Variants in SLC16A9 observed in about 807,000 individuals in gnomAD.
The protein encoded by SLC16A9 is solute carrier family 16 member 9.
In SLC16A9, 26 loss-of-function variants were observed where a neutral mutation model predicts 44.3. That is an observed-to-expected ratio of 0.59 (90% CI 0.43 to 0.81). The LOEUF is 0.81. SLC16A9 is among the 40% of genes least tolerant of loss of function. The pLI is 0.00. For missense variants in SLC16A9, 559 were observed against 595.8 expected (o/e 0.94, Z 0.64); for synonymous variants, 230 against 225.1 (o/e 1.02, Z -0.19).
At chr10:59,707,797 T>A (rs1840678693) in intron 1 of SLC16A9, among the ~76,000 whole-genome samples, 1 of 152,166 alleles carries the variant, frequency 6.6e-6, no homozygotes, top group South Asian at 2.1e-4. Context: ...TCTGTAGTTG[T>A]CATCCTCTAG....
rs559499490 is a variant in SLC16A9 at position 59,654,391 on chromosome 10, G to A, written c.635C>T (p.Ser212Phe). 6.2e-7 allele frequency: 1 copy of A among 1,613,696 alleles called. No homozygotes were observed. Among genetic ancestry groups the A allele is most frequent in the Non-Finnish European group, 8.5e-7 (1 of 1,179,996 alleles). The change falls in exon 5 of 6, where the codon TCC (serine) becomes TTC (phenylalanine). Residue 212 changes from serine to phenylalanine, a missense_variant. Physicochemically the swap from Ser to Phe is radical, Grantham distance 155. Transcript: ENST00000395348. ...IAPEDLPDKYSIYNEKGKNLE... is the reference protein window; with the variant it reads ...IAPEDLPDKYFIYNEKGKNLE... ...ATTCTTTCCTTTTTCATTGTAAATG[G>A]AGTATTTATCTGGTAGATCTTCTGG...
chr10:59,699,901 AACACAC>A (rs57820696), intron 1 of SLC16A9, among the ~76,000 whole-genome samples: 5,897 of 147,352 alleles, frequency 0.04, 356 homozygotes, highest in African/African-American at 0.13. Flanking sequence ...CTGCACTGAA[AACACAC>A]ACACACACAC....
chr10:59,684,474 C>A (rs943222567), intron 1 of SLC16A9, 147 bp from the exon 2 acceptor site: 2 of 457,068 alleles, frequency 4.4e-6, no homozygotes, highest in South Asian at 5.8e-5. Flanking sequence ...ACTGACATAG[C>A]AAGTTAACAA....
rs117910653 is a variant in SLC16A9, at chr10:59,667,885, T to C, written c.341-3563A>G. On this transcript the variant is annotated intron_variant, in intron 3 of 5. Transcript: ENST00000395348. ...TTAAATGGTAAAAACTAAATATATT[T>C]ACATGTTGTAACATTTCTTTTCCAC... 6.5e-3 allele frequency among the ~76,000 whole-genome samples: 995 copies of C among 152,316 alleles called. 5 individuals carry two copies. The highest frequency in any genetic ancestry group is 0.01 in the Admixed American group (153 of 15,296).
At position 59,653,663 on chromosome 10, in the gene SLC16A9, T is replaced by A. The variant is rs765698503; in HGVS notation, c.1351+12A>T. ...ACAGTAAAATGGGATGATTTTAAGA[T>A]AAATATCTTACCAACGATGGGTGGT... On this transcript the variant is annotated intron_variant, in intron 5 of 5. Transcript: ENST00000395348. 6.2e-7 allele frequency: 1 copy of A among 1,601,088 alleles called. No homozygotes were observed.
chr10:59,658,796 C>T (rs1028900384), intron 4 of SLC16A9, among the ~76,000 whole-genome samples: 2 of 152,128 alleles, frequency 1.3e-5, no homozygotes, highest in Admixed American at 6.5e-5. Context: ...CACTTCTCAC[C>T]GGGCAGTGCT....
intron 3 of SLC16A9, among the ~76,000 whole-genome samples, chr10:59,665,431 C>T (rs4948351): frequency 0.2 from 30,472 of 152,140 alleles, 4,088 homozygotes; most frequent in East Asian, 0.48. Context: ...GAAATCAGCA[C>T]TTAACCCATG....
At chr10:59,687,097 G>T (rs536588296) in intron 1 of SLC16A9, among the ~76,000 whole-genome samples, 10 of 152,244 alleles carry the variant, frequency 6.6e-5, no homozygotes, top group Admixed American at 2.0e-4. Flanking sequence ...TAGAGACGGG[G>T]TTTCACCATG....
chr10:59,684,407 TA>T, intron 1 of SLC16A9, 80 bp from the exon 2 acceptor site: 1 of 605,484 alleles, frequency 1.7e-6, no homozygotes, highest in African/African-American at 2.0e-5. Flanking sequence ...TATCTCCTCC[TA>T]AAGTGAAAAA....
chr10:59,682,418 G>T (rs1047333959), intron 2 of SLC16A9, among the ~76,000 whole-genome samples: 1 of 152,128 alleles, frequency 6.6e-6, no homozygotes, highest in Non-Finnish European at 1.5e-5. Context: ...CATCCACCTA[G>T]AAACTTGGAA....
chr10:59,659,715 CA>C (rs1026714336), intron 4 of SLC16A9, among the ~76,000 whole-genome samples: 6 of 152,092 alleles, frequency 3.9e-5, no homozygotes, highest in African/African-American at 1.4e-4. Context: ...CAGCATCACA[CA>C]GCACTTATTC....
chr10:59,709,709 C>G lies in SLC16A9; in HGVS notation c.-267G>C, dbSNP rs61735867. 5 of 152,344 alleles carry G rather than the reference C, an allele frequency of 3.3e-5. No individual in the cohort carries two copies. The highest frequency in any genetic ancestry group is 1.2e-4 in the African/African-American group (5 of 41,400). 9.4% of individuals were successfully genotyped at this position (152,344 alleles called of 1,614,324 possible). ...GCCGCCGCCCTCTGCCCCCACAGAC[C>G]CGCAGCGGCGGCGGCCACATGGAGC... On this transcript the variant is annotated 5_prime_UTR_variant, in exon 1 of 6. Coordinates refer to ENST00000395348, the MANE Select transcript of SLC16A9 (RefSeq NM_194298.3).
chr10:59,683,169 A>G (rs1440578974), intron 2 of SLC16A9, among the ~76,000 whole-genome samples: 1 of 152,204 alleles, frequency 6.6e-6, no homozygotes, highest in Admixed American at 6.5e-5. Context: ...GATTTGCTCA[A>G]TGAATAATGG....
chr10:59,653,141 T>C (rs11814599), intron 5 of SLC16A9, among the ~76,000 whole-genome samples, 191 bp from the exon 6 acceptor site: 4,395 of 151,880 alleles, frequency 0.029, 201 homozygotes, highest in African/African-American at 0.099. Context: ...GCAGGCAGGC[T>C]GGGTGCGGTG....
intron 1 of SLC16A9, among the ~76,000 whole-genome samples, chr10:59,694,817 TACACACACACAC>T (rs1554874046): frequency 8.4e-5 from 4 of 47,708 alleles, no homozygotes; most frequent in Non-Finnish European, 1.2e-4. Context: ...TATATATATA[TACACACACACAC>T]ACACATATAT....
At chr10:59,690,662 T>C (rs1411947654) in intron 1 of SLC16A9, among the ~76,000 whole-genome samples, 1 of 151,968 alleles carries the variant, frequency 6.6e-6, no homozygotes, top group Non-Finnish European at 1.5e-5. Context: ...ATTAGAAAAA[T>C]GGTACTCTCC....
chr10:59,699,089 C>T (rs749446725), intron 1 of SLC16A9, among the ~76,000 whole-genome samples: 1 of 152,188 alleles, frequency 6.6e-6, no homozygotes, highest in Non-Finnish European at 1.5e-5. Context: ...GTGTTCTGCT[C>T]TTTCCCCAAT....
intron 3 of SLC16A9, 32 bp downstream of exon 3, chr10:59,672,738 G>GTATC: frequency 6.3e-7 from 1 of 1,597,514 alleles, no homozygotes; most frequent in Non-Finnish European, 8.5e-7. Flanking sequence ...TCTCTTGAAG[G>GTATC]TTAGGAAAGT....
At chr10:59,705,146 G>T (rs1840610290) in intron 1 of SLC16A9, among the ~76,000 whole-genome samples, 1 of 151,790 alleles carries the variant, frequency 6.6e-6, no homozygotes, top group South Asian at 2.1e-4. Context: ...TTTTGGGTGG[G>T]TCATAAAAAT....
Sources: allele counts gnomAD v4.1 joint callset (sites outside exome capture counted in the v4.1 genomes callset), GRCh38; gene constraint gnomAD v4.1.1; transcripts MANE v1.5; gene names NCBI Gene and HGNC (gene_info 2026-07-23, HGNC 2026-07-21).